Variants in CORO2B observed in about 807,000 individuals in gnomAD.
CORO2B encodes coronin-2B.
A neutral mutation model predicts 58.8 loss-of-function variants in CORO2B; 26 were observed. The observed-to-expected ratio is 0.44, with a 90% CI of 0.32 to 0.61. The LOEUF (loss-of-function observed/expected upper bound fraction) is 0.61, where lower values mean the gene tolerates loss of function less well. Among genes scored for constraint, CORO2B ranks in the 20% least tolerant of loss-of-function variants. CORO2B has a pLI of 0.04. For missense variants in CORO2B, 460 were observed against 645.1 expected, an observed-to-expected ratio of 0.71 and a Z score of 3.11; for synonymous variants, 242 against 253.8, an observed-to-expected ratio of 0.95 and a Z score of 0.44.
rs916274061 is a variant in CORO2B at position 68,579,150 on chromosome 15, G to A, written c.-113G>A. ...CCCAGGCTCGGCCGAGCCGCCGGCGGGGCGCGGGGAGCGAGCCGGGAGCTG... is the reference window on the plus strand; with the variant it reads ...CCCAGGCTCGGCCGAGCCGCCGGCGAGGCGCGGGGAGCGAGCCGGGAGCTG... On this transcript the variant is annotated 5_prime_UTR_variant, in exon 1 of 12. Transcript: ENST00000261861. 1.0e-5 allele frequency: 10 copies of A among 981,160 alleles called. No individual in the cohort carries two copies. The African/African-American group carries it at 1.8e-4, about 17-fold the overall frequency. 60.8% of individuals were successfully genotyped at this position (981,160 alleles called of 1,614,324 possible). A position where few individuals can be genotyped will look rare whatever the true frequency, so the allele number is the denominator to read the frequency against.
In CORO2B at chr15:68,622,657, T is replaced by C. The variant is rs545886545; in HGVS notation, c.16-22503T>C. On this transcript the variant is annotated intron_variant, in intron 1 of 11. Transcript: ENST00000261861. Reference sequence around the variant, plus strand: ...ATGGAGCACCTTCAGAGTCACAAGATTCACCCCCACACCCCATTCATTCAT... The same window carrying C: ...ATGGAGCACCTTCAGAGTCACAAGACTCACCCCCACACCCCATTCATTCAT... 1.1e-4 allele frequency among the ~76,000 whole-genome samples: 17 copies of C among 152,250 alleles called. No homozygotes were observed. The South Asian group carries it at 1.5e-3, about 13-fold the overall frequency.
chr15:68,626,397 A>T (rs1441196822), intron 1 of CORO2B, among the ~76,000 whole-genome samples: 1 of 151,684 alleles, frequency 6.6e-6, no homozygotes, highest in African/African-American at 2.4e-5. Context: ...AATTTAGAAC[A>T]TGCTTAATCA....
chr15:68,587,950 G>A (rs1019913093), intron 1 of CORO2B, among the ~76,000 whole-genome samples: 3 of 152,194 alleles, frequency 2.0e-5, no homozygotes, highest in East Asian at 1.9e-4. Flanking sequence ...CCCAGGCCTC[G>A]CTCTTGCCTC....
At chr15:68,655,797 A>G (rs922437712) in intron 2 of CORO2B, among the ~76,000 whole-genome samples, 1 of 152,226 alleles carries the variant, frequency 6.6e-6, no homozygotes, top group Non-Finnish European at 1.5e-5. Flanking sequence ...AAGCCCCTCA[A>G]CAGGAGGCCA....
chr15:68,699,239 T>A (rs1482511342), intron 3 of CORO2B, among the ~76,000 whole-genome samples: 1 of 151,758 alleles, frequency 6.6e-6, no homozygotes, highest in African/African-American at 2.4e-5. Flanking sequence ...AGGCTTAGGG[T>A]TCAGGGTGAG....
chr15:68,636,427 G>A (rs1243116937), intron 1 of CORO2B, among the ~76,000 whole-genome samples: 3 of 152,202 alleles, frequency 2.0e-5, no homozygotes, highest in East Asian at 1.9e-4. Flanking sequence ...ATTGGGTGGT[G>A]GATGCATGCT....
chr15:68,578,683 C>T (rs1318549315), upstream of CORO2B, among the ~76,000 whole-genome samples: 1 of 152,134 alleles, frequency 6.6e-6, no homozygotes, highest in Non-Finnish European at 1.5e-5. The surrounding 1 kb of genome is among the most constrained non-coding windows in gnomAD (Gnocchi z 4.2). Context: ...CCAGCGTCCC[C>T]GGGCCAGCGG....
the CORO2B span, among the ~76,000 whole-genome samples, chr15:68,567,959 C>A: frequency 1.3e-5 from 2 of 152,184 alleles, no homozygotes; most frequent in Non-Finnish European, 2.9e-5. Flanking sequence ...GCGGAGGTTG[C>A]AGTGAGCTGA....
intron 1 of CORO2B, among the ~76,000 whole-genome samples, chr15:68,604,891 T>C (rs1218799900): frequency 6.6e-6 from 1 of 152,100 alleles, no homozygotes; most frequent in African/African-American, 2.4e-5. Flanking sequence ...CAAGGCGGGC[T>C]GATCACGAGG....
upstream of CORO2B, among the ~76,000 whole-genome samples, chr15:68,575,797 G>A (rs1054792213): frequency 6.6e-6 from 1 of 151,906 alleles, no homozygotes; most frequent in Non-Finnish European, 1.5e-5. Context: ...CCCAAACTAA[G>A]ATGGGCTATG....
intron 1 of CORO2B, among the ~76,000 whole-genome samples, chr15:68,623,444 A>C (rs1412566582): frequency 6.6e-6 from 1 of 152,172 alleles, no homozygotes; most frequent in East Asian, 1.9e-4. Context: ...AGTGACAGCC[A>C]GTCTGGCCCA....
the CORO2B span, among the ~76,000 whole-genome samples, chr15:68,543,597 C>T: frequency 6.6e-6 from 1 of 152,130 alleles, no homozygotes; most frequent in Non-Finnish European, 1.5e-5. Flanking sequence ...GCCAGCAAGG[C>T]CAATTTCCCA....
chr15:68,650,356 TAAAAAAAAAAAA>T (rs532431600), intron 2 of CORO2B, among the ~76,000 whole-genome samples: 1 of 86,084 alleles, frequency 1.2e-5, no homozygotes, highest in African/African-American at 4.4e-5. Flanking sequence ...AAACTCTGTC[TAAAAAAAAAAAA>T]AAAAAAAAAA....
chr15:68,691,985 G>A (rs1892389968), intron 2 of CORO2B, among the ~76,000 whole-genome samples: 1 of 152,362 alleles, frequency 6.6e-6, no homozygotes, highest in Middle Eastern at 3.4e-3. Flanking sequence ...TGGAAGGAAT[G>A]ACTCTGTCAG....
chr15:68,715,239 G>C lies in CORO2B; in HGVS notation c.895G>C (p.Glu299Gln). The C allele has an allele frequency of 6.2e-7, 1 of 1,613,982 alleles. No homozygotes were observed. Among genetic ancestry groups the C allele is most frequent in the Non-Finnish European group, 8.5e-7 (1 of 1,179,976 alleles). Residue 299 changes from glutamate (E) to glutamine (Q), a missense_variant, in exon 8 of 12, where the codon GAG becomes CAG. By Grantham distance (29) the Glu-to-Gln change is conservative. Transcript: ENST00000261861. ...GKGDGNIRYY[E>Q]ISTEKPYLSY... Reference sequence around the variant, plus strand: ...GGGTGATGGAAACATCCGGTACTACGAGATCAGCACTGAGAAGCCCTACCT... The same window carrying C: ...GGGTGATGGAAACATCCGGTACTACCAGATCAGCACTGAGAAGCCCTACCT...
the CORO2B span, among the ~76,000 whole-genome samples, chr15:68,552,375 T>A: frequency 6.7e-6 from 1 of 148,390 alleles, no homozygotes; most frequent in Non-Finnish European, 1.5e-5. Flanking sequence ...TCCTTGGTAT[T>A]TGGACACAGA....
chr15:68,638,807 C>A (rs950629426), intron 1 of CORO2B, among the ~76,000 whole-genome samples: 1 of 152,194 alleles, frequency 6.6e-6, no homozygotes, highest in African/African-American at 2.4e-5. Context: ...CCTAGTTCTG[C>A]CCGCTGGACA....
chr15:68,531,104 C>G, the CORO2B span, among the ~76,000 whole-genome samples: 1 of 152,108 alleles, frequency 6.6e-6, no homozygotes, highest in African/African-American at 2.4e-5. Flanking sequence ...AATCCATGAC[C>G]CTTACAACAC....
At chr15:68,611,444 C>A (rs1005274311) in intron 1 of CORO2B, among the ~76,000 whole-genome samples, 2 of 152,030 alleles carry the variant, frequency 1.3e-5, no homozygotes, top group African/African-American at 4.8e-5. Context: ...CTACCTTTTG[C>A]CTTTGATATT....
Sources: gnomAD v4.1 joint callset for allele counts (sites outside exome capture counted in the v4.1 genomes callset) on GRCh38, gnomAD v4.1.1 for gene constraint, Gnocchi (gnomAD v3.1) non-coding constraint, MANE v1.5 for transcripts, NCBI Gene and HGNC (gene_info 2026-07-23, HGNC 2026-07-21) for gene names.